Variants in ERC2 observed in about 807,000 individuals in gnomAD.
ERC2 encodes the protein ELKS/RAB6-interacting/CAST family member 2.
ERC2 carries 42 observed loss-of-function variants against 114.8 expected under a neutral mutation model. The ratio of observed to expected loss-of-function variants is 0.37; its 90% confidence interval spans 0.29 to 0.47. ERC2 has a LOEUF of 0.47. Ranked by LOEUF, ERC2 falls within the 20% of genes least tolerant of loss-of-function variation. The pLI is 0.99. For missense variants in ERC2, 939 were observed against 1,150.7 expected (o/e 0.82, Z 2.66); for synonymous variants, 454 against 425.5 (o/e 1.07, Z -0.82).
intron 3 of ERC2, among the ~76,000 whole-genome samples, chr3:56,237,698 A>G (rs1280233478): frequency 6.6e-6 from 1 of 152,196 alleles, no homozygotes; most frequent in African/African-American, 2.4e-5. Flanking sequence ...GAAGTGATTC[A>G]CACACCTGAA....
At chr3:55,882,351 T>C (rs1352973865) in intron 14 of ERC2, among the ~76,000 whole-genome samples, 1 of 152,186 alleles carries the variant, frequency 6.6e-6, no homozygotes, top group African/African-American at 2.4e-5. Flanking sequence ...TGCAGAACCA[T>C]GAGCCAAATG....
intron 4 of ERC2, among the ~76,000 whole-genome samples, chr3:56,166,283 A>C (rs914804273): frequency 5.3e-5 from 8 of 152,122 alleles, no homozygotes; most frequent in Admixed American, 1.3e-4. Context: ...ATTCACTAGG[A>C]TATTTTCTAC....
At chr3:55,786,871 G>C (rs1184476300) in intron 14 of ERC2, among the ~76,000 whole-genome samples, 1 of 152,102 alleles carries the variant, frequency 6.6e-6, no homozygotes, top group Non-Finnish European at 1.5e-5. Context: ...ATGTCCCCTG[G>C]CCTGTGTTCA....
chr3:56,238,309 A>G (rs1296381427), intron 3 of ERC2, among the ~76,000 whole-genome samples: 2 of 152,226 alleles, frequency 1.3e-5, no homozygotes, highest in Non-Finnish European at 2.9e-5. Context: ...AGTAGACAGG[A>G]TCCCCCAGAT....
chr3:56,273,818 T>C (rs1262073542), intron 3 of ERC2, among the ~76,000 whole-genome samples: 1 of 152,194 alleles, frequency 6.6e-6, no homozygotes, highest in Non-Finnish European at 1.5e-5. Flanking sequence ...CTGATTTTGT[T>C]AGATAAGAAA....
chr3:56,454,131 C>A (rs981266943), intron 1 of ERC2, among the ~76,000 whole-genome samples: 5 of 152,198 alleles, frequency 3.3e-5, no homozygotes, highest in Non-Finnish European at 5.9e-5. Flanking sequence ...CCTGTACCTT[C>A]CTTAAAGGCA....
At chr3:56,186,517 T>TTTTG (rs908111265) in intron 3 of ERC2, among the ~76,000 whole-genome samples, 21 of 151,974 alleles carry the variant, frequency 1.4e-4, no homozygotes, top group African/African-American at 2.4e-4. Context: ...TTGTTGTTGG[T>TTTTG]TTTGTTTGTT....
At chr3:55,787,951 C>A (rs564126485) in intron 14 of ERC2, among the ~76,000 whole-genome samples, 2 of 152,112 alleles carry the variant, frequency 1.3e-5, no homozygotes, top group South Asian at 4.1e-4. Context: ...TGATGTGTAC[C>A]CAGGCCATAG....
chr3:56,419,438 GGTAACTTAT>G (rs2061302212), intron 2 of ERC2, among the ~76,000 whole-genome samples: 1 of 152,172 alleles, frequency 6.6e-6, no homozygotes, highest in Admixed American at 6.5e-5. Flanking sequence ...ACTCTTTCAA[GGTAACTTAT>G]TCCTGAAGGT....
chr3:55,899,179 T>C (rs2063992757), intron 13 of ERC2, among the ~76,000 whole-genome samples: 1 of 152,260 alleles, frequency 6.6e-6, no homozygotes, highest in South Asian at 2.1e-4. Flanking sequence ...TCGGTCTTTG[T>C]GGAACATTTA....
chr3:56,290,166 G>C (rs1032008855), intron 3 of ERC2, among the ~76,000 whole-genome samples: 1 of 152,304 alleles, frequency 6.6e-6, no homozygotes, highest in Admixed American at 6.5e-5. Flanking sequence ...TACCTGCAAA[G>C]TTTCTTCTCT....
intron 3 of ERC2, among the ~76,000 whole-genome samples, chr3:56,193,696 C>T (rs2047928106): frequency 6.6e-6 from 1 of 152,100 alleles, no homozygotes; most frequent in Non-Finnish European, 1.5e-5. Flanking sequence ...TGACAAGAAA[C>T]TGATGAGACC....
intron 7 of ERC2, among the ~76,000 whole-genome samples, chr3:56,030,531 T>C (rs1384328375): frequency 1.3e-5 from 2 of 152,240 alleles, no homozygotes; most frequent in Non-Finnish European, 2.9e-5. Flanking sequence ...CTATATCTTC[T>C]TGGTGAATTA....
At chr3:55,642,257 A>G (rs1449868646) in intron 17 of ERC2, among the ~76,000 whole-genome samples, 4 of 151,692 alleles carry the variant, frequency 2.6e-5, no homozygotes, top group Non-Finnish European at 5.9e-5. Context: ...GGCTAAGTTC[A>G]GTCTCTCTGC....
intron 14 of ERC2, among the ~76,000 whole-genome samples, chr3:55,799,365 T>TATATATATATGCCTTATATATATATATGC (rs1559673928): frequency 1.8e-4 from 26 of 144,824 alleles, no homozygotes; most frequent in African/African-American, 4.4e-4. Flanking sequence ...ACAATTCTTA[T>TATATATATATGCCTTATATATATATATGC]ATATATATAT....
chr3:56,099,270 C>T (rs2078223986), intron 6 of ERC2, among the ~76,000 whole-genome samples: 1 of 152,136 alleles, frequency 6.6e-6, no homozygotes, highest in African/African-American at 2.4e-5. Context: ...TTTCTGGTTT[C>T]CAGAACTGTC....
intron 1 of ERC2, among the ~76,000 whole-genome samples, chr3:56,451,478 C>T (rs918484082): frequency 3.3e-5 from 5 of 152,018 alleles, no homozygotes; most frequent in South Asian, 2.1e-4. Context: ...AAAGAATAAA[C>T]GTTACATCCT....
chr3:56,159,086 A>G (rs890775451), intron 4 of ERC2, among the ~76,000 whole-genome samples: 3 of 150,822 alleles, frequency 2.0e-5, no homozygotes, highest in African/African-American at 7.3e-5. Context: ...AGTGTGTGGC[A>G]CCCCCCCACC....
chr3:56,062,138 A>G (rs1285106121), intron 7 of ERC2, among the ~76,000 whole-genome samples: 1 of 152,242 alleles, frequency 6.6e-6, no homozygotes, highest in Non-Finnish European at 1.5e-5. Context: ...TTTGATTTTT[A>G]AGAATAAAAA....
Sources: allele counts gnomAD v4.1 joint callset (sites outside exome capture counted in the v4.1 genomes callset), GRCh38; gene constraint gnomAD v4.1.1; transcripts MANE v1.5; gene names NCBI Gene and HGNC (gene_info 2026-07-23, HGNC 2026-07-21).